The following FLG variants were observed in gnomAD, a reference collection of about 807,000 sequenced individuals.
The protein encoded by FLG is filaggrin, also known as epidermal filaggrin.
A neutral mutation model predicts 3.8 loss-of-function variants in FLG; 6 were observed. The ratio of observed to expected loss-of-function variants is 1.60; its 90% confidence interval spans 0.87 to 3.15. The LOEUF is 3.15. FLG is among the 30% of genes most tolerant of loss of function. The pLI, the probability that FLG is intolerant of heterozygous loss-of-function variation, is 0.00. For missense variants in FLG, 7,595 were observed against 5,050.9 expected, an observed-to-expected ratio of 1.50 and a Z score of -15.27; for synonymous variants, 2,551 against 1,931.6, an observed-to-expected ratio of 1.32 and a Z score of -8.41.
At position 152,308,375 on chromosome 1, in the gene FLG, T is replaced by C; in HGVS notation, c.6511A>G (p.Thr2171Ala). The change falls in exon 3 of 3, where the codon ACC becomes GCC. Residue 2171 changes from threonine (T) to alanine (A), a missense_variant. By Grantham distance (58) the Thr-to-Ala change is moderately conservative (BLOSUM62 0). Transcript: ENST00000368799. ...SGHSGSHHSH[T>A]TSQGRSDASR... ...GCATCAGACCTTCCCTGGGATGTGG[T>C]GTGGCTGTGATGAGACCCTGAGTGT... 6.2e-7 allele frequency: 1 copy of C among 1,613,636 alleles called. No individual in the cohort carries two copies.
rs536820015 is a variant in FLG at position 152,313,109 on chromosome 1, A to T, written c.1777T>A (p.Ser593Thr). 1 of 1,613,766 alleles carries T rather than the reference A, an allele frequency of 6.2e-7. No homozygotes were observed. The highest frequency in any genetic ancestry group is 1.7e-5 in the Admixed American group (1 of 60,004). ...GAGTGTCTAGAGCTGTCAGCCTGAG[A>T]GGAAGCTTCATGATGACGTGACCCT... is the stretch of plus-strand genomic sequence containing the variant. ...HSGSRHHEAS[S>T]QADSSRHSQV... Residue 593 changes from serine (S) to threonine (T), a missense_variant, in exon 3 of 3, where the codon TCT (serine) becomes ACT (threonine). Transcript: ENST00000368799.
At chr1:152,318,495 T>C (rs6587665) in intron 1 of FLG, among the ~76,000 whole-genome samples, 4,331 of 151,970 alleles carry the variant, frequency 0.028, 215 homozygotes, top group African/African-American at 0.099. Flanking sequence ...TCTCTCAGTA[T>C]TCTTTACTAA....
rs778314734 is a variant in FLG at position 152,310,726 on chromosome 1, T to G, written c.4160A>C (p.His1387Pro). The change falls in exon 3 of 3, where the codon CAC becomes CCC. Residue 1387 changes from histidine (H) to proline (P), a missense_variant. Transcript: ENST00000368799. ...GACCTGACTACCACTGGACCCTCGG[T>G]GTCCACTGTCTCTGACTGCAGATGA... is the stretch of plus-strand genomic sequence containing the variant. ...QASSAVRDSG[H>P]RGSSGSQVTN... 3 of 1,613,952 alleles carry G rather than the reference T, an allele frequency of 1.9e-6. No individual in the cohort carries two copies. Among genetic ancestry groups the G allele is most frequent in the Non-Finnish European group, 1.7e-6 (2 of 1,180,022 alleles).
At position 152,308,014 on chromosome 1, in the gene FLG, C is replaced by G. The variant is rs1233091592; in HGVS notation, c.6872G>C (p.Gly2291Ala). The part of the protein sequence containing the change: ...HPRSHHEDRA[G>A]HGHSAESSRQ... ...GGAGCTCTCTGCAGAGTGCCCATGA[C>G]CGGCTCTGTCTTCGTGATGGGACCT... The change falls in exon 3 of 3, where the codon GGT (glycine) becomes GCT (alanine). Residue 2291 changes from glycine to alanine, a missense_variant. Transcript: ENST00000368799. The G allele has an allele frequency of 1.2e-6, 2 of 1,614,194 alleles. No homozygotes were observed. Among genetic ancestry groups the G allele is most frequent in the Non-Finnish European group, 1.7e-6 (2 of 1,180,042 alleles).
chr1:152,315,758 C>G (rs1652768521), intron 1 of FLG, among the ~76,000 whole-genome samples: 1 of 152,166 alleles, frequency 6.6e-6, no homozygotes, highest in African/African-American at 2.4e-5. Context: ...GATCATCCCT[C>G]TTGCTGATCT....
At position 152,313,425 on chromosome 1, in the gene FLG, G is replaced by T; in HGVS notation, c.1461C>A (p.Thr487=). The change falls in exon 3 of 3, where the codon ACC becomes ACA. Residue 487 remains threonine, a synonymous_variant. Coordinates refer to ENST00000368799, the MANE Select transcript of FLG (RefSeq NM_002016.2). ...GCGATCCTTGTCTTCCTCCAGTGCT[G>T]GTCCCGGTCCGTCCATGGGCAGAGT... ...QPDSAHGRTG[T]STGGRQGSHH... The T allele has an allele frequency of 6.2e-7, 1 of 1,613,848 alleles. No homozygotes were observed. Among genetic ancestry groups the T allele is most frequent in the Non-Finnish European group, 8.5e-7 (1 of 1,179,968 alleles).
Position 152,304,370 on chromosome 1 carries a change from G to A in FLG, c.10516C>T (p.His3506Tyr), listed in dbSNP as rs780223588. Residue 3506 changes from histidine to tyrosine, a missense_variant, in exon 3 of 3, where the codon CAC becomes TAC. Coordinates refer to ENST00000368799, the MANE Select transcript of FLG (RefSeq NM_002016.2). ...TCCGCCTGAGTGGAAGCTTCATGGT[G>A]ATGCGACCATGAGTGCCTGGAGCCA... ...GDGSRHSWSH[H>Y]HEASTQADSS... 4.3e-6 allele frequency: 7 copies of A among 1,611,832 alleles called. No homozygotes were observed. The highest frequency in any genetic ancestry group is 5.1e-6 in the Non-Finnish European group (6 of 1,179,074).
rs770079841 is a variant in FLG at position 152,313,571 on chromosome 1, C to G, written c.1315G>C (p.Gly439Arg). The change falls in exon 3 of 3, where the codon GGC becomes CGC. Residue 439 changes from glycine to arginine, a missense_variant. Physicochemically the swap from Gly to Arg is moderately radical, Grantham distance 125. Coordinates refer to ENST00000368799, the MANE Select transcript of FLG (RefSeq NM_002016.2). ...SENSDTQSVS[G>R]HGKAGLRQQS... ...TGTCTCAGCCCAGCCTTTCCGTGGC[C>G]TGACACTGATTGTGTGTCTGAGTTT... 15 of 1,613,956 alleles carry G rather than the reference C, an allele frequency of 9.3e-6. No homozygotes were observed. In the African/African-American group the frequency reaches 1.3e-4, roughly 14 times the overall value.
chr1:152,318,741 G>A (rs1033955451), intron 1 of FLG, among the ~76,000 whole-genome samples: 10 of 151,748 alleles, frequency 6.6e-5, no homozygotes, highest in Non-Finnish European at 4.4e-5. Flanking sequence ...CTACTAAAGG[G>A]TTAGGCACTG....
chr1:152,313,177 T>C lies in FLG; in HGVS notation c.1709A>G (p.Gln570Arg). 6.2e-7 allele frequency: 1 copy of C among 1,613,862 alleles called. No homozygotes were observed. ...GQSGSRSASR[Q>R]TRNEEQSGDG... ...TCCTGATTGTTCCTCATTTCGTGTT[T>C]GTCTGCTTGCACTTCTGGATCCTGA... Residue 570 changes from glutamine to arginine, a missense_variant, in exon 3 of 3, where the codon CAA becomes CGA. Transcript: ENST00000368799.
Position 152,304,253 on chromosome 1 carries a change from T to C in FLG, c.10633A>G (p.Ser3545Gly). The C allele has an allele frequency of 6.2e-7, 1 of 1,613,270 alleles. No homozygotes were observed. The highest frequency in any genetic ancestry group is 8.5e-7 in the Non-Finnish European group (1 of 1,179,696). The change falls in exon 3 of 3, where the codon AGT becomes GGT. Residue 3545 changes from serine (S) to glycine (G), a missense_variant. Transcript: ENST00000368799. The stretch of plus-strand genomic sequence containing the variant: ...TCAGAGTCTTCTGAGTGTCCCTGAC[T>C]GTCACTGTCCTGGCTAACACTGGAT... Reference protein sequence around the residue: ...QGSSVSQDSDSQGHSEDSERW... With the variant: ...QGSSVSQDSDGQGHSEDSERW...
At position 152,308,254 on chromosome 1, in the gene FLG, T is replaced by G. The variant is rs1392004446; in HGVS notation, c.6632A>C (p.His2211Pro). Residue 2211 changes from histidine to proline, a missense_variant, in exon 3 of 3, where the codon CAT becomes CCT. Coordinates refer to ENST00000368799, the MANE Select transcript of FLG (RefSeq NM_002016.2). ...GCTGTCGGCCCAAGAGGAAGCTTCA[T>G]GATGATGCGACCCTGAGTGCCTAGA... ...DGSRHSGSHH[H>P]EASSWADSSR... The G allele has an allele frequency of 3.1e-6, 5 of 1,613,928 alleles. No individual in the cohort carries two copies. Among genetic ancestry groups the G allele is most frequent in the Admixed American group, 3.3e-5 (2 of 59,982 alleles).
In FLG at chr1:152,308,349, G is replaced by T; in HGVS notation, c.6537C>A (p.Ala2179=). The change falls in exon 3 of 3, where the codon GCC becomes GCA. Residue 2179 remains alanine (A), a synonymous_variant. Coordinates refer to ENST00000368799, the MANE Select transcript of FLG (RefSeq NM_002016.2). The part of the protein sequence containing the change: ...SHTTSQGRSD[A]SRGQSGSRSA... ...TTCTGGATCCTGACTGCCCACGGGA[G>T]GCATCAGACCTTCCCTGGGATGTGG... 6.2e-7 allele frequency: 1 copy of T among 1,613,652 alleles called. No homozygotes were observed. Among genetic ancestry groups the T allele is most frequent in the Non-Finnish European group, 8.5e-7 (1 of 1,179,830 alleles).
In FLG at chr1:152,313,423, C is replaced by T; in HGVS notation, c.1463G>A (p.Ser488Asn). ...GTGCGATCCTTGTCTTCCTCCAGTG[C>T]TGGTCCCGGTCCGTCCATGGGCAGA... ...PDSAHGRTGTSTGGRQGSHHE... is the reference protein window; with the variant it reads ...PDSAHGRTGTNTGGRQGSHHE... Residue 488 changes from serine to asparagine, a missense_variant, in exon 3 of 3, where the codon AGC (serine) becomes AAC (asparagine). Physicochemically the swap from Ser to Asn is conservative, Grantham distance 46 (BLOSUM62 1). Transcript: ENST00000368799. 1 of 1,613,920 alleles carries T rather than the reference C, an allele frequency of 6.2e-7. No homozygotes were observed. The highest frequency in any genetic ancestry group is 1.1e-5 in the South Asian group (1 of 91,044).
Position 152,311,359 on chromosome 1 carries a change from C to A in FLG, c.3527G>T (p.Arg1176Met), listed in dbSNP as rs749695717. Reference sequence around the variant, plus strand: ...CGATTGCTCATGGTGGGATCCCTGCCTTCCTCCTCTCCTTGACCCCGGGTG... The same window carrying A: ...CGATTGCTCATGGTGGGATCCCTGCATTCCTCCTCTCCTTGACCCCGGGTG... Reference protein sequence around the residue: ...RAHPGSRRGGRQGSHHEQSVD... With the variant: ...RAHPGSRRGGMQGSHHEQSVD... Residue 1176 changes from arginine to methionine, a missense_variant, in exon 3 of 3, where the codon AGG (arginine) becomes ATG (methionine). By Grantham distance (91) the Arg-to-Met change is moderately conservative. Coordinates refer to ENST00000368799, the MANE Select transcript of FLG (RefSeq NM_002016.2). 2 of 1,613,722 alleles carry A rather than the reference C, an allele frequency of 1.2e-6. No individual in the cohort carries two copies. The highest frequency in any genetic ancestry group is 1.7e-6 in the Non-Finnish European group (2 of 1,179,960).
Position 152,313,879 on chromosome 1 carries a change from G to C in FLG, c.1007C>G (p.Pro336Arg). ...GGCTCTGTCTTCATCATGGGACCTG[G>C]GGTGTCTGGAGCCATCTCTTGACTG... Reference protein sequence around the residue: ...WEQSRDGSRHPRSHDEDRASH... With the variant: ...WEQSRDGSRHRRSHDEDRASH... Residue 336 changes from proline to arginine, a missense_variant, in exon 3 of 3, where the codon CCC (proline) becomes CGC (arginine). Physicochemically the swap from Pro to Arg is moderately radical, Grantham distance 103. Coordinates refer to ENST00000368799, the MANE Select transcript of FLG (RefSeq NM_002016.2). 6.2e-7 allele frequency: 1 copy of C among 1,613,904 alleles called. No individual in the cohort carries two copies. The highest frequency in any genetic ancestry group is 1.1e-5 in the South Asian group (1 of 91,050).
chr1:152,312,465 A>C lies in FLG; in HGVS notation c.2421T>G (p.His807Gln), dbSNP rs146590099. ...VSTHKQSESS[H>Q]GWTGPSTGVR... ...CTCCAGTGCTGGGCCCTGTCCATCCATGGGAGGACTCAGACTGTTTATGAG... is the reference window on the plus strand; with the variant it reads ...CTCCAGTGCTGGGCCCTGTCCATCCCTGGGAGGACTCAGACTGTTTATGAG... Residue 807 changes from histidine to glutamine, a missense_variant, in exon 3 of 3, where the codon CAT becomes CAG. By Grantham distance (24) the His-to-Gln change is conservative (BLOSUM62 0). Transcript: ENST00000368799. 6 of 1,613,242 alleles carry C rather than the reference A, an allele frequency of 3.7e-6. No homozygotes were observed. In the Admixed American group the frequency reaches 5.0e-5, roughly 13 times the overall value.
chr1:152,310,209 T>C lies in FLG; in HGVS notation c.4677A>G (p.Ser1559=), dbSNP rs766941139. The C allele has an allele frequency of 1.2e-6, 2 of 1,613,482 alleles. No individual in the cohort carries two copies. The highest frequency in any genetic ancestry group is 2.2e-5 in the East Asian group (1 of 44,804). ...QSGDGSRHSG[S]RHHEPSTRAG... is the part of the protein sequence containing the mutation. The stretch of plus-strand genomic sequence containing the variant: ...CCCGAGTGGAAGGTTCATGGTGACG[T>C]GACCCTGAGTGCCTGGAGCCGTCTC... The change falls in exon 3 of 3, where the codon TCA becomes TCG. Residue 1559 remains serine (S), a synonymous_variant. Coordinates refer to ENST00000368799, the MANE Select transcript of FLG (RefSeq NM_002016.2).
chr1:152,324,656 A>T (rs1653088640), intron 1 of FLG, among the ~76,000 whole-genome samples: 1 of 151,670 alleles, frequency 6.6e-6, no homozygotes, highest in African/African-American at 2.4e-5. Flanking sequence ...TTAAAACATT[A>T]CGAGTTTTTT....
Sources: allele counts gnomAD v4.1 joint callset (sites outside exome capture counted in the v4.1 genomes callset), GRCh38; gene constraint gnomAD v4.1.1; transcripts MANE v1.5; gene names NCBI Gene and HGNC (gene_info 2026-07-23, HGNC 2026-07-21).